MAPK8IP1: variants seen among roughly 807,000 people sequenced by gnomAD.
MAPK8IP1 encodes C-Jun-amino-terminal kinase-interacting protein 1.
Under a neutral mutation model 72.6 loss-of-function variants are expected in MAPK8IP1, and 17 were observed. That is an observed-to-expected ratio of 0.23 (90% CI 0.16 to 0.35). The LOEUF (loss-of-function observed/expected upper bound fraction) is 0.35. Ranked by LOEUF, MAPK8IP1 falls within the 10% of genes least tolerant of loss-of-function variation. The pLI is 1.00. For missense variants in MAPK8IP1, 789 were observed against 1,009.7 expected, an observed-to-expected ratio of 0.78 and a Z score of 2.96; for synonymous variants, 401 against 443.4, an observed-to-expected ratio of 0.90 and a Z score of 1.20.
intron 1 of MAPK8IP1, among the ~76,000 whole-genome samples, chr11:45,894,091 G>C (rs970814582): frequency 1.7e-4 from 26 of 152,172 alleles, no homozygotes; most frequent in Admixed American, 1.7e-3. Flanking sequence ...GGGTGGGCAG[G>C]GATTGGTGGC....
At position 45,885,756 on chromosome 11, in the gene MAPK8IP1, C is replaced by A; in HGVS notation, c.-65C>A. The A allele has an allele frequency of 1.0e-6, 1 of 994,638 alleles. No individual in the cohort carries two copies. Among genetic ancestry groups the A allele is most frequent in the Non-Finnish European group, 1.3e-6 (1 of 745,496 alleles). 61.6% of individuals were successfully genotyped at this position (994,638 alleles called of 1,614,324 possible). A position where few individuals can be genotyped will look rare whatever the true frequency, so the allele number is the denominator to read the frequency against. ...GGCTGCCCTCTCGCCGCGCCTCCGCCTCCTTCGCAGCCGCCGCCTCCTCCG... is the reference window on the plus strand; with the variant it reads ...GGCTGCCCTCTCGCCGCGCCTCCGCATCCTTCGCAGCCGCCGCCTCCTCCG... On this transcript the variant is annotated 5_prime_UTR_variant, in exon 1 of 12. Transcript: ENST00000241014.
intron 1 of MAPK8IP1, among the ~76,000 whole-genome samples, chr11:45,894,303 C>T (rs1262661897): frequency 1.3e-5 from 2 of 152,186 alleles, no homozygotes; most frequent in East Asian, 3.8e-4. Flanking sequence ...TTCAGGCCTC[C>T]TGCTTCCAAG....
chr11:45,895,836 T>C (rs1441860767), intron 1 of MAPK8IP1, among the ~76,000 whole-genome samples: 1 of 151,806 alleles, frequency 6.6e-6, no homozygotes, highest in Non-Finnish European at 1.5e-5. Flanking sequence ...GCCACTGGGT[T>C]TTTGTCCCTG....
Position 45,903,284 on chromosome 11 carries a change from TAGGACTG to T in MAPK8IP1, c.1418-77_1418-71del. 6.3e-7 allele frequency: 1 copy of T among 1,585,256 alleles called. No homozygotes were observed. The highest frequency in any genetic ancestry group is 8.6e-7 in the Non-Finnish European group (1 of 1,158,722). Reference sequence around the variant, plus strand: ...GAGGCGACCCCAGGCCCCATCTGGTTAGGACTGAGGCTTCTACCTGCCCCGCTAAACC... The same window carrying T: ...GAGGCGACCCCAGGCCCCATCTGGTTAGGCTTCTACCTGCCCCGCTAAACC... On this transcript the variant is annotated intron_variant, in intron 5 of 11. Transcript: ENST00000241014. This position sits in a 1 kb window ranked among gnomAD's most constrained non-coding sequence, Gnocchi z 6.4.
chr11:45,903,938 G>A lies in MAPK8IP1; in HGVS notation c.1494-51G>A. On this transcript the variant is annotated intron_variant, in intron 6 of 11. Coordinates refer to ENST00000241014, the MANE Select transcript of MAPK8IP1 (RefSeq NM_005456.4). This position sits in a 1 kb window ranked among gnomAD's most constrained non-coding sequence, Gnocchi z 6.4. ...GGCTCCCAGACCCCAGAGTAGGCCT[G>A]GCTGGACAGGCCTTGGTGCCGAATT... is the stretch of plus-strand genomic sequence containing the variant. The A allele has an allele frequency of 6.3e-7, 1 of 1,579,742 alleles. No homozygotes were observed. Among genetic ancestry groups the A allele is most frequent in the Non-Finnish European group, 8.7e-7 (1 of 1,152,330 alleles).
chr11:45,896,544 G>A (rs2086607149), intron 1 of MAPK8IP1: 1 of 1,144,496 alleles, frequency 8.7e-7, no homozygotes, highest in Non-Finnish European at 1.1e-6. Flanking sequence ...TGGAGCCAGT[G>A]GCATTGATTG....
Position 45,902,542 on chromosome 11 carries a change from C to T in MAPK8IP1, c.775C>T (p.Arg259Trp), listed in dbSNP as rs554196208. Residue 259 changes from arginine (R) to tryptophan (W), a missense_variant, in exon 5 of 12, where the codon CGG (arginine) becomes TGG (tryptophan). Transcript: ENST00000241014. This position sits in a 1 kb window ranked among gnomAD's most constrained non-coding sequence, Gnocchi z 9.3. ...TCCCCCTGCTGCCCCGCCTGGGGGTCGGGGCCACTCGCATCGAGACCGAAT... is the reference window on the plus strand; with the variant it reads ...TCCCCCTGCTGCCCCGCCTGGGGGTTGGGGCCACTCGCATCGAGACCGAAT... ...GGPPAAPPGG[R>W]GHSHRDRIHY... 17 of 1,611,992 alleles carry T rather than the reference C, an allele frequency of 1.1e-5. No individual in the cohort carries two copies. The highest frequency in any genetic ancestry group is 6.6e-5 in the South Asian group (6 of 90,996).
chr11:45,897,056 CCT>C, intron 1 of MAPK8IP1: 1 of 1,216,404 alleles, frequency 8.2e-7, no homozygotes, highest in Non-Finnish European at 1.2e-6. Flanking sequence ...GTCTGGGCCT[CCT>C]AGGTTCCCCT....
Position 45,885,747 on chromosome 11 carries a change from CGCCTCCGCCTCCTTCGCA to C in MAPK8IP1, c.-70_-53del. 3.5e-6 allele frequency: 3 copies of C among 867,512 alleles called. No homozygotes were observed. The highest frequency in any genetic ancestry group is 3.4e-5 in the East Asian group (1 of 29,410). The allele number at this position is 867,512 out of a possible 1,614,324, so 53.7% of individuals were successfully genotyped here. A position where few individuals can be genotyped will look rare whatever the true frequency, so the allele number is the denominator to read the frequency against. On this transcript the variant is annotated 5_prime_UTR_variant, in exon 1 of 12. Coordinates refer to ENST00000241014, the MANE Select transcript of MAPK8IP1 (RefSeq NM_005456.4). ...CGCGGCGGCGGCTGCCCTCTCGCCG[CGCCTCCGCCTCCTTCGCA>C]GCCGCCGCCTCCTCCGCGCCGCGCT... is the stretch of plus-strand genomic sequence containing the variant.
chr11:45,905,178 C>A lies in MAPK8IP1; in HGVS notation c.1992C>A (p.Pro664=). The change falls in exon 11 of 12, where the codon CCC becomes CCA. Residue 664 remains proline, a synonymous_variant. Transcript: ENST00000241014. ...ACTTTGGGTTCATCACCAAGCACCC[C>A]GCCGACCACCGGTTTGCCTGCCACG... ...NKYFGFITKH[P]ADHRFACHVF... The A allele has an allele frequency of 4.3e-6, 7 of 1,613,520 alleles. No homozygotes were observed. Among genetic ancestry groups the A allele is most frequent in the Non-Finnish European group, 5.9e-6 (7 of 1,180,020 alleles).
At chr11:45,894,142 A>T (rs915483338) in intron 1 of MAPK8IP1, among the ~76,000 whole-genome samples, 10 of 152,132 alleles carry the variant, frequency 6.6e-5, no homozygotes, top group African/African-American at 1.9e-4. Context: ...AGGCACCTTT[A>T]TGTCTAAGCC....
At chr11:45,905,583 G>T in intron 11 of MAPK8IP1, 66 bp from the exon 12 acceptor site, 1 of 1,440,434 alleles carries the variant, frequency 6.9e-7, no homozygotes. Flanking sequence ...GAAAACCCTG[G>T]GTCGGGATCC....
At chr11:45,899,920 G>A (rs2086636093) in intron 2 of MAPK8IP1, among the ~76,000 whole-genome samples, 1 of 152,164 alleles carries the variant, frequency 6.6e-6, no homozygotes, top group Admixed American at 6.5e-5. Context: ...CTGTGGGGAG[G>A]TGCTGGCCGT....
In MAPK8IP1 at chr11:45,902,839, G is replaced by C; in HGVS notation, c.1072G>C (p.Glu358Gln). The C allele has an allele frequency of 6.3e-7, 1 of 1,583,356 alleles. No individual in the cohort carries two copies. Among genetic ancestry groups the C allele is most frequent in the Non-Finnish European group, 8.6e-7 (1 of 1,166,372 alleles). ...PGGGWRGSLG[E>Q]PPPPPRASLS... Reference sequence around the variant, plus strand: ...CGGAGGGTGGCGGGGGAGCCTGGGGGAGCCGCCGCCACCTCCACGGGCCTC... The same window carrying C: ...CGGAGGGTGGCGGGGGAGCCTGGGGCAGCCGCCGCCACCTCCACGGGCCTC... Residue 358 changes from glutamate (E) to glutamine (Q), a missense_variant, in exon 5 of 12, where the codon GAG becomes CAG. Glu to Gln is a conservative substitution (Grantham distance 29). Coordinates refer to ENST00000241014, the MANE Select transcript of MAPK8IP1 (RefSeq NM_005456.4). This position sits in a 1 kb window ranked among gnomAD's most constrained non-coding sequence, Gnocchi z 9.3.
chr11:45,901,374 TC>T (rs1418566692), intron 3 of MAPK8IP1, among the ~76,000 whole-genome samples: 2 of 152,042 alleles, frequency 1.3e-5, no homozygotes, highest in African/African-American at 4.8e-5. Flanking sequence ...CTGTCACTCC[TC>T]AGTCTCATGC....
At position 45,900,082 on chromosome 11, in the gene MAPK8IP1, G is replaced by A; in HGVS notation, c.208-56G>A. 1 of 1,087,594 alleles carries A rather than the reference G, an allele frequency of 9.2e-7. No individual in the cohort carries two copies. Among genetic ancestry groups the A allele is most frequent in the South Asian group, 4.5e-5 (1 of 21,994 alleles). 67.4% of individuals were successfully genotyped at this position (1,087,594 alleles called of 1,614,324 possible). ...CTCGCCCGGGCGGGGGGCGGTGCAA[G>A]CGGCCTCGGCCCCGCCCCGGCCCCG... On this transcript the variant is annotated intron_variant, in intron 2 of 11. Coordinates refer to ENST00000241014, the MANE Select transcript of MAPK8IP1 (RefSeq NM_005456.4). The surrounding 1 kb of genome is among the most constrained non-coding windows in gnomAD (Gnocchi z 6.5).
At chr11:45,893,434 C>T (rs1430870121) in intron 1 of MAPK8IP1, among the ~76,000 whole-genome samples, 1 of 152,090 alleles carries the variant, frequency 6.6e-6, no homozygotes, top group Non-Finnish European at 1.5e-5. Context: ...AGGGCAAAAG[C>T]AAGGACTGGG....
intron 2 of MAPK8IP1, among the ~76,000 whole-genome samples, chr11:45,899,863 G>A (rs1471103662): frequency 6.6e-6 from 1 of 152,206 alleles, no homozygotes; most frequent in Non-Finnish European, 1.5e-5. Flanking sequence ...TGAGGTCACC[G>A]GCCGTTGCCA....
chr11:45,902,239 CCA>C lies in MAPK8IP1; in HGVS notation c.605-132_605-131del, dbSNP rs1022063677. The C allele has an allele frequency of 7.1e-6, 7 of 988,216 alleles. No individual in the cohort carries two copies. Among genetic ancestry groups the C allele is most frequent in the Non-Finnish European group, 1.1e-5 (7 of 629,776 alleles). 61.2% of individuals were successfully genotyped at this position (988,216 alleles called of 1,614,324 possible). The stretch of plus-strand genomic sequence containing the variant: ...GGTGGCATGAGTGAGTTGACTGGCC[CCA>C]GAGCCTGCGAAGGGCCTGTTGCCCA... On this transcript the variant is annotated intron_variant, in intron 4 of 11. Transcript: ENST00000241014. The surrounding 1 kb of genome is among the most constrained non-coding windows in gnomAD (Gnocchi z 9.3).
Sources: gnomAD v4.1 joint callset for allele counts (sites outside exome capture counted in the v4.1 genomes callset) on GRCh38, gnomAD v4.1.1 for gene constraint, Gnocchi (gnomAD v3.1) non-coding constraint, MANE v1.5 for transcripts, NCBI Gene and HGNC (gene_info 2026-07-23, HGNC 2026-07-21) for gene names.